The following ITGBL1 variants were observed in gnomAD, a reference collection of about 807,000 sequenced individuals.
The protein encoded by ITGBL1 is integrin beta-like protein 1.
Under a neutral mutation model 68.5 loss-of-function variants are expected in ITGBL1, and 51 were observed. The ratio of observed to expected loss-of-function variants is 0.74; its 90% confidence interval spans 0.59 to 0.94. ITGBL1 has a LOEUF of 0.94. Ranked by LOEUF, ITGBL1 falls within the 40% of genes least tolerant of loss-of-function variation. The pLI is 0.00. For synonymous variants in ITGBL1, 209 were observed against 227.3 expected (o/e 0.92, Z 0.72); for missense variants, 649 against 647.4 (o/e 1.00, Z -0.03).
At chr13:101,608,853 T>C (rs1358014138) in intron 7 of ITGBL1, among the ~76,000 whole-genome samples, 2 of 152,210 alleles carry the variant, frequency 1.3e-5, no homozygotes, top group Non-Finnish European at 2.9e-5. Context: ...AAAATTAACT[T>C]ATTTACTATT....
chr13:101,693,293 A>G (rs1468391990), intron 8 of ITGBL1, among the ~76,000 whole-genome samples: 1 of 152,186 alleles, frequency 6.6e-6, no homozygotes, highest in African/African-American at 2.4e-5. Flanking sequence ...TTATTCTTGC[A>G]TTGCATTCTT....
At chr13:101,509,612 G>A (rs2049083298) in intron 2 of ITGBL1, among the ~76,000 whole-genome samples, 1 of 152,052 alleles carries the variant, frequency 6.6e-6, no homozygotes, top group African/African-American at 2.4e-5. Flanking sequence ...GATAAGGTTT[G>A]TACATGGACC....
intron 6 of ITGBL1, among the ~76,000 whole-genome samples, chr13:101,593,685 A>T (rs900949029): frequency 6.6e-6 from 1 of 152,098 alleles, no homozygotes; most frequent in Non-Finnish European, 1.5e-5. Flanking sequence ...TTCAAAACCT[A>T]AAAAATTGGA....
intron 5 of ITGBL1, 44 bp from the exon 6 acceptor site, chr13:101,583,172 G>A (rs1356760427): frequency 6.3e-7 from 1 of 1,590,202 alleles, no homozygotes; most frequent in Non-Finnish European, 8.6e-7. Context: ...TTCTTTCATG[G>A]TTTTTCTTGA....
At chr13:101,552,411 G>A (rs1162689530) in intron 2 of ITGBL1, among the ~76,000 whole-genome samples, 1 of 152,084 alleles carries the variant, frequency 6.6e-6, no homozygotes, top group Admixed American at 6.5e-5. Context: ...TAAATCTTGT[G>A]AGCTACTTCA....
intron 2 of ITGBL1, among the ~76,000 whole-genome samples, chr13:101,501,477 CCTTTCGAGAA>C (rs2048939559): frequency 6.6e-6 from 1 of 152,140 alleles, no homozygotes; most frequent in Middle Eastern, 3.2e-3. Context: ...GAAGAGCTTT[CCTTTCGAGAA>C]TGCAGCTGAC....
chr13:101,590,913 G>T (rs9557709), intron 6 of ITGBL1, among the ~76,000 whole-genome samples: 41,573 of 150,932 alleles, frequency 0.28, 6,005 homozygotes, highest in East Asian at 0.45. Context: ...TCTTTGTTTT[G>T]TTTTTTTTGA....
At chr13:101,660,804 T>G (rs1209231119) in intron 7 of ITGBL1, among the ~76,000 whole-genome samples, 1 of 152,174 alleles carries the variant, frequency 6.6e-6, no homozygotes, top group Admixed American at 6.5e-5. Context: ...TTTCAAGACC[T>G]CTCTATTGTT....
At chr13:101,536,604 A>G (rs890494552) in intron 2 of ITGBL1, among the ~76,000 whole-genome samples, 2 of 151,788 alleles carry the variant, frequency 1.3e-5, no homozygotes, top group African/African-American at 4.8e-5. Flanking sequence ...CTCATTCTCA[A>G]CTCATAAGTT....
intron 8 of ITGBL1, among the ~76,000 whole-genome samples, chr13:101,695,752 C>G (rs1419654233): frequency 6.6e-6 from 1 of 152,178 alleles, no homozygotes; most frequent in Non-Finnish European, 1.5e-5. Context: ...GACTCCAGCA[C>G]TCTGTTAAAC....
intron 7 of ITGBL1, among the ~76,000 whole-genome samples, chr13:101,656,466 G>C (rs1001031552): frequency 4.6e-5 from 7 of 152,176 alleles, no homozygotes; most frequent in Admixed American, 1.3e-4. Flanking sequence ...GCCTGAGTCA[G>C]AGTGGAAAGT....
intron 2 of ITGBL1, among the ~76,000 whole-genome samples, chr13:101,510,888 GAT>G (rs1335068191): frequency 1.3e-4 from 20 of 152,054 alleles, no homozygotes; most frequent in African/African-American, 4.8e-4. Context: ...ATAGATTCTC[GAT>G]ATGAGACCTT....
At chr13:101,476,390 CACAAAAAGGAAG>C (rs1055603342) in intron 2 of ITGBL1, among the ~76,000 whole-genome samples, 5 of 151,708 alleles carry the variant, frequency 3.3e-5, no homozygotes, top group African/African-American at 1.2e-4. Context: ...AAATAATCTT[CACAAAAAGGAAG>C]ACAAGAAGGA....
At chr13:101,686,893 T>C (rs2042549251) in intron 7 of ITGBL1, among the ~76,000 whole-genome samples, 1 of 152,174 alleles carries the variant, frequency 6.6e-6, no homozygotes, top group Admixed American at 6.5e-5. Flanking sequence ...TTAAGCTTCC[T>C]TTTTAATGAA....
At chr13:101,502,375 C>T (rs545265998) in intron 2 of ITGBL1, among the ~76,000 whole-genome samples, 1 of 152,174 alleles carries the variant, frequency 6.6e-6, no homozygotes, top group African/African-American at 2.4e-5. Context: ...TGTTCTCACT[C>T]TCTTTCTTCA....
intron 2 of ITGBL1, among the ~76,000 whole-genome samples, chr13:101,494,793 A>G (rs1489444595): frequency 2.0e-5 from 3 of 152,254 alleles, no homozygotes; most frequent in East Asian, 1.9e-4. Flanking sequence ...CCTTTCAACT[A>G]TATGAAAAGT....
At chr13:101,706,714 A>G (rs776891562) in intron 8 of ITGBL1, 42 bp from the exon 9 acceptor site, 3 of 1,588,348 alleles carry the variant, frequency 1.9e-6, no homozygotes, top group Admixed American at 3.4e-5. Context: ...TCAGCTGGTT[A>G]TTTCCTCATC....
chr13:101,628,031 A>C (rs762461200), intron 7 of ITGBL1, among the ~76,000 whole-genome samples: 3 of 151,806 alleles, frequency 2.0e-5, no homozygotes, highest in Non-Finnish European at 4.4e-5. Flanking sequence ...ACTGTCTTCC[A>C]AAGAGGCTGT....
intron 7 of ITGBL1, among the ~76,000 whole-genome samples, chr13:101,635,429 C>A (rs1040252361): frequency 2.6e-5 from 4 of 152,004 alleles, no homozygotes; most frequent in African/African-American, 9.7e-5. Flanking sequence ...CCAATTTAGT[C>A]ATAAACAAAT....
Sources: allele counts gnomAD v4.1 joint callset (sites outside exome capture counted in the v4.1 genomes callset), GRCh38; gene constraint gnomAD v4.1.1; transcripts MANE v1.5; gene names NCBI Gene and HGNC (gene_info 2026-07-23, HGNC 2026-07-21).